KCNN1: variants seen among roughly 807,000 people sequenced by gnomAD.
KCNN1 encodes small conductance calcium-activated potassium channel protein 1.
In KCNN1, 20 loss-of-function variants were observed where a neutral mutation model predicts 44.7. The ratio of observed to expected loss-of-function variants is 0.45; its 90% CI spans 0.32 to 0.65. The LOEUF is 0.65. KCNN1 is among the 30% of genes least tolerant of loss of function. The probability of loss-of-function intolerance (pLI) is 0.05; values close to 1 mark genes in which losing one functional copy is unlikely to be tolerated. For synonymous variants in KCNN1, 324 were observed against 341.7 expected, an observed-to-expected ratio of 0.95 and a Z score of 0.57; for missense variants, 632 against 785.3, an observed-to-expected ratio of 0.80 and a Z score of 2.33.
At position 17,983,598 on chromosome 19, in the gene KCNN1, G is replaced by C. The variant is rs901136371; in HGVS notation, c.917+1471G>C. On this transcript the variant is annotated intron_variant, in intron 4 of 9. Coordinates refer to ENST00000684775, the MANE Select transcript of KCNN1 (RefSeq NM_001386974.1). The surrounding 1 kb of genome is among the most constrained non-coding windows in gnomAD (Gnocchi z 4.5). ...TGGGTCCTTGCAGGGCTCTGGGGGG[G>C]TGGGGCACGGGGCAGGGCCGGCAGG... is the stretch of plus-strand genomic sequence containing the variant. Among the ~76,000 whole-genome samples the C allele has an allele frequency of 3.9e-5, 6 of 152,084 alleles. No individual in the cohort carries two copies. The highest frequency in any genetic ancestry group is 8.8e-5 in the Non-Finnish European group (6 of 67,978).
At chr19:17,964,470 A>G (rs2031751646), upstream of KCNN1, among the ~76,000 whole-genome samples, 1 of 152,210 alleles carries the variant, frequency 6.6e-6, no homozygotes, top group African/African-American at 2.4e-5. This position sits in a 1 kb window ranked among gnomAD's most constrained non-coding sequence, Gnocchi z 4.3. Context: ...AGCCGCCTCC[A>G]CCATGCTTGA....
chr19:17,988,924 A>AAG (rs1189226637), intron 6 of KCNN1, among the ~76,000 whole-genome samples: 1 of 151,654 alleles, frequency 6.6e-6, no homozygotes, highest in Non-Finnish European at 1.5e-5. Flanking sequence ...AAAAAAAAAA[A>AAG]AGGACTGTGC....
chr19:17,954,782 A>C (rs1306900837), intron 2 of KCNN1: 2 of 152,262 alleles, frequency 1.3e-5, no homozygotes, highest in Non-Finnish European at 2.9e-5. Context: ...TCACGCCTGT[A>C]ATCCCAGCAC....
intron 2 of KCNN1, among the ~76,000 whole-genome samples, chr19:17,961,179 C>T (rs530261944): frequency 4.4e-4 from 56 of 127,396 alleles, no homozygotes; most frequent in African/African-American, 1.4e-3. Flanking sequence ...GAGTGAGACT[C>T]TGACTCAAAA....
chr19:17,954,969 C>G (rs980680883), intron 2 of KCNN1, among the ~76,000 whole-genome samples: 1 of 148,346 alleles, frequency 6.7e-6, no homozygotes, highest in Non-Finnish European at 1.5e-5. Flanking sequence ...ATCCGGGAGG[C>G]AGAGGTTGCA....
chr19:17,970,069 G>A (rs1227138896), intron 1 of KCNN1, among the ~76,000 whole-genome samples: 1 of 152,160 alleles, frequency 6.6e-6, no homozygotes, highest in Non-Finnish European at 1.5e-5. Context: ...GTGAAGTGCT[G>A]GGCCGGCAGG....
chr19:17,970,247 A>G (rs965903569), intron 1 of KCNN1, among the ~76,000 whole-genome samples: 13 of 136,658 alleles, frequency 9.5e-5, no homozygotes, highest in African/African-American at 2.7e-4. Flanking sequence ...GGGGTGGGAC[A>G]AGTTCTGAGA....
At chr19:17,956,103 A>G (rs1223221363) in intron 2 of KCNN1, among the ~76,000 whole-genome samples, 1 of 151,846 alleles carries the variant, frequency 6.6e-6, no homozygotes, top group Non-Finnish European at 1.5e-5. Context: ...ACGCACAGCT[A>G]ATTTTTGTGT....
intron 5 of KCNN1, among the ~76,000 whole-genome samples, chr19:17,987,825 C>G (rs560310368): frequency 8.1e-6 from 1 of 123,156 alleles, no homozygotes; most frequent in East Asian, 2.5e-4. Flanking sequence ...AGTGAGACCC[C>G]ATATCGCTAC....
chr19:17,957,188 G>T (rs954693631), intron 2 of KCNN1, among the ~76,000 whole-genome samples: 6 of 117,454 alleles, frequency 5.1e-5, no homozygotes, highest in African/African-American at 2.0e-4. Context: ...GGAGAGGAGA[G>T]GGGAGGAGAG....
intron 9 of KCNN1, among the ~76,000 whole-genome samples, chr19:17,994,231 G>A (rs559857811): frequency 7.9e-5 from 12 of 152,074 alleles, no homozygotes; most frequent in Non-Finnish European, 1.8e-4. Flanking sequence ...GATCACTTGA[G>A]CCCAAGAGGT....
chr19:17,968,086 AGGGGTG>A (rs1251325591), intron 1 of KCNN1, among the ~76,000 whole-genome samples: 2 of 2,096 alleles, frequency 9.5e-4, no homozygotes, highest in African/African-American at 4.0e-3. Flanking sequence ...AGGGGAAGGG[AGGGGTG>A]GGGGTGGTGG....
intron 3 of KCNN1, among the ~76,000 whole-genome samples, chr19:17,981,299 C>A (rs1361023781): frequency 6.6e-6 from 1 of 151,902 alleles, no homozygotes; most frequent in East Asian, 1.9e-4. Context: ...CGCCTGTAAT[C>A]CCTGCACTTT....
At chr19:17,988,232 A>G (rs2032670755) in intron 5 of KCNN1, among the ~76,000 whole-genome samples, 183 bp from the exon 6 acceptor site, 1 of 151,872 alleles carries the variant, frequency 6.6e-6, no homozygotes, top group African/African-American at 2.4e-5. Context: ...TGTGTGGGAC[A>G]TGGTTCCCTC....
intron 4 of KCNN1, among the ~76,000 whole-genome samples, chr19:17,984,855 TG>T (rs1483594000): frequency 6.6e-6 from 1 of 152,088 alleles, no homozygotes; most frequent in African/African-American, 2.4e-5. Context: ...CCTTCCTATA[TG>T]GACGTCCCTT....
Position 17,985,451 on chromosome 19 carries a change from A to G in KCNN1, c.1057A>G (p.Met353Val), listed in dbSNP as rs2032564172. The change falls in exon 5 of 10, where the codon ATG becomes GTG. Residue 353 changes from methionine to valine, a missense_variant and splice_region_variant. Met to Val is a conservative substitution (Grantham distance 21, BLOSUM62 1). Around this residue, in one of 3 missense-constraint regions of KCNN1, gnomAD observed 160 missense variants for 308.3 expected, o/e 0.52. Transcript: ENST00000684775. ...GGGTGTGTGCCTGCTCACTGGCATC[A>G]TGGTAAGGGTGAGGGTCCATGTGTA... is the stretch of plus-strand genomic sequence containing the variant. ...GKGVCLLTGI[M>V]GAGCTALVVA... 1 of 1,584,880 alleles carries G rather than the reference A, an allele frequency of 6.3e-7. No individual in the cohort carries two copies. The highest frequency in any genetic ancestry group is 1.3e-5 in the African/African-American group (1 of 74,384).
intron 3 of KCNN1, among the ~76,000 whole-genome samples, chr19:17,979,730 G>T (rs934239019): frequency 1.3e-5 from 2 of 152,094 alleles, no homozygotes; most frequent in Non-Finnish European, 2.9e-5. Context: ...TTATGTCAAC[G>T]CTTTGCCGAT....
Position 17,998,415 on chromosome 19 carries a change from C to T in KCNN1, c.*9C>T, listed in dbSNP as rs2033079954. On this transcript the variant is annotated 3_prime_UTR_variant, in exon 10 of 10. Coordinates refer to ENST00000684775, the MANE Select transcript of KCNN1 (RefSeq NM_001386974.1). The surrounding 1 kb of genome is among the most constrained non-coding windows in gnomAD (Gnocchi z 5.4). ...CCTCGGACTGCGGGTGACGGCCCTG[C>T]CCGCCACCAGACCCCTAAATCTTGG... The T allele has an allele frequency of 1.4e-6, 2 of 1,465,992 alleles. No homozygotes were observed. The highest frequency in any genetic ancestry group is 1.8e-6 in the Non-Finnish European group (2 of 1,115,752). The allele number at this position is 1,465,992 out of a possible 1,614,324, so 90.8% of individuals were successfully genotyped here. A position where few individuals can be genotyped will look rare whatever the true frequency, so the allele number is the denominator to read the frequency against.
chr19:17,985,561 G>T, intron 5 of KCNN1, 108 bp downstream of exon 5: 1 of 1,021,926 alleles, frequency 9.8e-7, no homozygotes, highest in Non-Finnish European at 1.4e-6. Flanking sequence ...ATCACGAGCT[G>T]TGCCTGATCA....
Sources: gnomAD v4.1 joint callset for allele counts (sites outside exome capture counted in the v4.1 genomes callset) on GRCh38, gnomAD v4.1.1 for gene constraint, gnomAD v4.1.1 regional missense constraint, Gnocchi (gnomAD v3.1) non-coding constraint, MANE v1.5 for transcripts, NCBI Gene and HGNC (gene_info 2026-07-23, HGNC 2026-07-21) for gene names.